The following TAFA4 variants were observed in gnomAD, a reference collection of about 807,000 sequenced individuals.
The protein encoded by TAFA4 is TAFA chemokine like family member 4.
A neutral mutation model predicts 21.1 loss-of-function variants in TAFA4; 20 were observed. The observed-to-expected ratio is 0.95, with a 90% CI of 0.67 to 1.38. TAFA4 has a LOEUF of 1.38. TAFA4 is among the 40% of genes most tolerant of loss of function. TAFA4 has a pLI of 0.00. For missense variants in TAFA4, 211 were observed against 180.9 expected, an observed-to-expected ratio of 1.17 and a Z score of -0.95; for synonymous variants, 71 against 67.4, an observed-to-expected ratio of 1.05 and a Z score of -0.26.
intron 3 of TAFA4, among the ~76,000 whole-genome samples, chr3:68,798,021 A>G (rs942543027): frequency 1.3e-5 from 2 of 152,240 alleles, no homozygotes; most frequent in Admixed American, 6.5e-5. Context: ...CATATTTCTC[A>G]AAAAGAATAT....
chr3:68,794,436 C>A (rs938444591), intron 3 of TAFA4, among the ~76,000 whole-genome samples: 1 of 152,098 alleles, frequency 6.6e-6, no homozygotes, highest in South Asian at 2.1e-4. Context: ...CTTTAAAGTC[C>A]CTTACTTTCA....
chr3:68,746,021 A>C (rs1398004784), intron 4 of TAFA4, among the ~76,000 whole-genome samples: 1 of 152,162 alleles, frequency 6.6e-6, no homozygotes, highest in Admixed American at 6.5e-5. Flanking sequence ...ACCTGCCAGC[A>C]CAGCTAGGAT....
At position 68,774,079 on chromosome 3, in the gene TAFA4, T is replaced by C. The variant is rs547035239; in HGVS notation, c.131-21061A>G. 2.6e-5 allele frequency among the ~76,000 whole-genome samples: 4 copies of C among 152,174 alleles called. No individual in the cohort carries two copies. The South Asian group carries it at 8.3e-4, about 32-fold the overall frequency. ...GTCAAGCTAGGCCTGGGGGTAGACA[T>C]TAGAGAGGCTAACAATAAAAATAGG... On this transcript the variant is annotated intron_variant, in intron 3 of 5. Coordinates refer to ENST00000295569, the MANE Select transcript of TAFA4 (RefSeq NM_182522.5).
chr3:68,873,337 TACACACACACACACAC>T (rs34998311), intron 3 of TAFA4, among the ~76,000 whole-genome samples: 19 of 133,422 alleles, frequency 1.4e-4, no homozygotes, highest in Admixed American at 1.4e-3. Context: ...CACGCAGACA[TACACACACACACACAC>T]ACACACACAC....
intron 3 of TAFA4, among the ~76,000 whole-genome samples, chr3:68,812,800 G>C (rs1703871921): frequency 6.6e-6 from 1 of 152,122 alleles, no homozygotes; most frequent in Non-Finnish European, 1.5e-5. Context: ...CCCAGGAATT[G>C]AACTCAGCTC....
At chr3:68,917,141 G>A (rs1164532389) in intron 1 of TAFA4, among the ~76,000 whole-genome samples, 1 of 152,082 alleles carries the variant, frequency 6.6e-6, no homozygotes, top group Admixed American at 6.6e-5. Context: ...TCTCCAGCAT[G>A]GGCCCTTTCA....
chr3:68,761,599 G>A (rs1443488492), intron 3 of TAFA4, among the ~76,000 whole-genome samples: 1 of 152,162 alleles, frequency 6.6e-6, no homozygotes, highest in Admixed American at 6.5e-5. Context: ...TGATTACATG[G>A]GCCCCATGGA....
chr3:68,876,773 T>C (rs150127361), intron 3 of TAFA4, among the ~76,000 whole-genome samples: 1 of 152,234 alleles, frequency 6.6e-6, no homozygotes, highest in East Asian at 1.9e-4. Flanking sequence ...TCCATAAATT[T>C]GAACAGTACA....
intron 3 of TAFA4, among the ~76,000 whole-genome samples, chr3:68,764,670 G>A (rs1007414163): frequency 3.3e-5 from 5 of 152,130 alleles, no homozygotes; most frequent in African/African-American, 1.2e-4. Flanking sequence ...GCAATGGACT[G>A]TACTGGGCAC....
At chr3:68,822,196 T>G (rs1470144563) in intron 3 of TAFA4, among the ~76,000 whole-genome samples, 1 of 152,148 alleles carries the variant, frequency 6.6e-6, no homozygotes, top group Non-Finnish European at 1.5e-5. Flanking sequence ...TGTTATTGAG[T>G]CAAAACAATT....
chr3:68,761,405 A>C (rs1405068870), intron 3 of TAFA4, among the ~76,000 whole-genome samples: 3 of 152,258 alleles, frequency 2.0e-5, no homozygotes, highest in Non-Finnish European at 2.9e-5. Flanking sequence ...ACAAAGCAAG[A>C]AAGGTGCAAT....
At position 68,795,643 on chromosome 3, in the gene TAFA4, A is replaced by G. The variant is rs373510935; in HGVS notation, c.131-42625T>C. On this transcript the variant is annotated intron_variant, in intron 3 of 5. Transcript: ENST00000295569. ...TCTTGCCACCACATGGAACCCAAAA[A>G]TAAATACAAAATCCAGAGGAAAGTA... Among the ~76,000 whole-genome samples, 42 of 152,328 alleles carry G rather than the reference A, an allele frequency of 2.8e-4. No homozygotes were observed. The South Asian group carries it at 7.9e-3, about 29-fold the overall frequency.
chr3:68,773,617 C>T (rs932561391), intron 3 of TAFA4, among the ~76,000 whole-genome samples: 2 of 152,176 alleles, frequency 1.3e-5, no homozygotes, highest in Non-Finnish European at 2.9e-5. Context: ...AAGGATATGA[C>T]TCACTGAGTC....
intron 4 of TAFA4, among the ~76,000 whole-genome samples, chr3:68,739,403 T>C (rs1456221204): frequency 6.6e-6 from 1 of 152,166 alleles, no homozygotes; most frequent in African/African-American, 2.4e-5. Flanking sequence ...CAGATGTTGG[T>C]GAGAACGCAG....
chr3:68,843,582 C>A (rs1704718393), intron 3 of TAFA4, among the ~76,000 whole-genome samples: 2 of 152,190 alleles, frequency 1.3e-5, no homozygotes, highest in African/African-American at 2.4e-5. Flanking sequence ...GAGAGGGCAT[C>A]CCTGTCTTGT....
chr3:68,837,700 CTT>C (rs1704555900), intron 3 of TAFA4, among the ~76,000 whole-genome samples: 1 of 152,118 alleles, frequency 6.6e-6, no homozygotes, highest in African/African-American at 2.4e-5. Flanking sequence ...AAAAAGTACA[CTT>C]ATATATACTC....
chr3:68,747,110 G>T (rs114796868), intron 4 of TAFA4, among the ~76,000 whole-genome samples: 209 of 152,272 alleles, frequency 1.4e-3, no homozygotes, highest in African/African-American at 4.6e-3. Context: ...CATCAGACCT[G>T]CTCAAAGCTC....
chr3:68,884,499 G>A (rs1418369481), intron 2 of TAFA4, among the ~76,000 whole-genome samples: 6 of 152,218 alleles, frequency 3.9e-5, no homozygotes. Context: ...CCAGCCAGGG[G>A]ATGGCAGTGG....
chr3:68,834,667 G>A (rs532184563), intron 3 of TAFA4, among the ~76,000 whole-genome samples: 1 of 152,010 alleles, frequency 6.6e-6, no homozygotes, highest in African/African-American at 2.4e-5. Context: ...CCTCATCTCA[G>A]AAACAACAAC....
Sources: allele counts gnomAD v4.1 joint callset (sites outside exome capture counted in the v4.1 genomes callset), GRCh38; gene constraint gnomAD v4.1.1; transcripts MANE v1.5; gene names NCBI Gene and HGNC (gene_info 2026-07-23, HGNC 2026-07-21).